Variants in HMGA2 observed in about 807,000 individuals in gnomAD.
The protein encoded by HMGA2 is high mobility group protein HMGI-C.
HMGA2 carries 8 observed loss-of-function variants against 19.1 expected under a neutral mutation model. The observed-to-expected ratio is 0.42, with a 90% CI of 0.25 to 0.76. The LOEUF is 0.76. Among genes scored for constraint, HMGA2 ranks in the 30% least tolerant of loss-of-function variants. The probability of loss-of-function intolerance (pLI) is 0.28; values close to 1 mark genes in which losing one functional copy is unlikely to be tolerated. For missense variants in HMGA2, 109 were observed against 136.3 expected (o/e 0.80, Z 1.00); for synonymous variants, 60 against 48.8 (o/e 1.23, Z -0.96).
chr12:65,957,942 G>A (rs1448076762), intron 4 of HMGA2: 1 of 152,178 alleles, frequency 6.6e-6, no homozygotes, highest in Non-Finnish European at 1.5e-5. Flanking sequence ...AATAATCACA[G>A]AATGAGTAAC....
At chr12:65,888,958 G>T (rs563455135) in intron 3 of HMGA2, among the ~76,000 whole-genome samples, 1 of 152,026 alleles carries the variant, frequency 6.6e-6, no homozygotes, top group Non-Finnish European at 1.5e-5. Context: ...CTAACTTCGA[G>T]CCTGCTCTTT....
chr12:65,901,707 A>C (rs1395504679), intron 3 of HMGA2, among the ~76,000 whole-genome samples: 1 of 152,218 alleles, frequency 6.6e-6, no homozygotes, highest in African/African-American at 2.4e-5. Flanking sequence ...GTATATATGC[A>C]CACATTGTTT....
intron 3 of HMGA2, among the ~76,000 whole-genome samples, chr12:65,862,276 T>TACAC (rs34442419): frequency 0.15 from 21,633 of 144,456 alleles, 2,754 homozygotes; most frequent in African/African-American, 0.35. Flanking sequence ...AAATGCACCA[T>TACAC]ACACACACAC....
intron 3 of HMGA2, among the ~76,000 whole-genome samples, chr12:65,900,500 A>G (rs911626069): frequency 4.6e-5 from 7 of 152,236 alleles, no homozygotes; most frequent in African/African-American, 1.4e-4. Context: ...GGTAGAAACC[A>G]GACAAGTGTC....
At chr12:65,943,904 T>C (rs531104385) in intron 3 of HMGA2, among the ~76,000 whole-genome samples, 1 of 152,318 alleles carries the variant, frequency 6.6e-6, no homozygotes, top group South Asian at 2.1e-4. Context: ...TAGCTACTCC[T>C]GGTAGATGGT....
At chr12:65,933,643 G>T (rs1875793264) in intron 3 of HMGA2, among the ~76,000 whole-genome samples, 1 of 152,080 alleles carries the variant, frequency 6.6e-6, no homozygotes, top group Non-Finnish European at 1.5e-5. Context: ...GCTATGCATA[G>T]GTAAGTCTGT....
chr12:65,845,990 C>T (rs959725847), intron 3 of HMGA2, among the ~76,000 whole-genome samples: 7 of 152,298 alleles, frequency 4.6e-5, no homozygotes, highest in Non-Finnish European at 8.8e-5. Context: ...AGCGCCTCCA[C>T]CAGATGGGGG....
chr12:65,936,424 C>T (rs917159701), intron 3 of HMGA2, among the ~76,000 whole-genome samples: 3 of 152,112 alleles, frequency 2.0e-5, no homozygotes, highest in Non-Finnish European at 4.4e-5. Flanking sequence ...ATAAAAAATC[C>T]TGTTCTGGTT....
intron 1 of HMGA2, among the ~76,000 whole-genome samples, chr12:65,827,707 T>C (rs1870276828): frequency 1.3e-5 from 2 of 152,248 alleles, no homozygotes; most frequent in South Asian, 4.1e-4. Context: ...ACCTTAAAAG[T>C]ATATGACTTT....
At chr12:65,880,318 CAAG>C (rs1017415242) in intron 3 of HMGA2, among the ~76,000 whole-genome samples, 1 of 152,118 alleles carries the variant, frequency 6.6e-6, no homozygotes, top group African/African-American at 2.4e-5. Flanking sequence ...TGTTTTTTCC[CAAG>C]AAGAGCAAGA....
At chr12:65,901,565 A>G (rs531671930) in intron 3 of HMGA2, among the ~76,000 whole-genome samples, 1 of 152,258 alleles carries the variant, frequency 6.6e-6, no homozygotes, top group African/African-American at 2.4e-5. Flanking sequence ...TGAATTTTGC[A>G]AGAAATAGCA....
rs145792152 is a variant in HMGA2, at chr12:65,924,535, C to T, written c.250-26848C>T. ...GAAGTTGGCCAGGCACAGTGGCTCACGCCTGTAATCCCAGCACTTTGGGAG... is the reference window on the plus strand; with the variant it reads ...GAAGTTGGCCAGGCACAGTGGCTCATGCCTGTAATCCCAGCACTTTGGGAG... On this transcript the variant is annotated intron_variant, in intron 3 of 4. Coordinates refer to ENST00000403681, the MANE Select transcript of HMGA2 (RefSeq NM_003483.6). 1.0e-3 allele frequency among the ~76,000 whole-genome samples: 153 copies of T among 152,106 alleles called. 1 individual carries two copies. Among genetic ancestry groups the T allele is most frequent in the Middle Eastern group, 3.4e-3 (1 of 294 alleles).
In HMGA2 at chr12:65,964,613, T is replaced by C; in HGVS notation, c.*1321T>C. 1 of 214,280 alleles carries C rather than the reference T, an allele frequency of 4.7e-6. No homozygotes were observed. Among genetic ancestry groups the C allele is most frequent in the East Asian group, 7.1e-5 (1 of 14,070 alleles). The allele number at this position is 214,280 out of a possible 1,614,324, so 13.3% of individuals were successfully genotyped here. A position where few individuals can be genotyped will look rare whatever the true frequency, so the allele number is the denominator to read the frequency against. On this transcript the variant is annotated 3_prime_UTR_variant, in exon 5 of 5. Coordinates refer to ENST00000403681, the MANE Select transcript of HMGA2 (RefSeq NM_003483.6). ...ATTACATGCTGCTATACACAAGCAA[T>C]GCAAGAAAAAAACTTACTGGGTAGG... is the stretch of plus-strand genomic sequence containing the variant.
intron 3 of HMGA2, among the ~76,000 whole-genome samples, chr12:65,862,296 C>CACAT (rs376863810): frequency 0.034 from 5,167 of 151,748 alleles, 253 homozygotes; most frequent in African/African-American, 0.11. Flanking sequence ...CACACACACA[C>CACAT]ACACACACAC....
chr12:65,911,761 G>A (rs531044113), intron 3 of HMGA2, among the ~76,000 whole-genome samples: 1 of 152,126 alleles, frequency 6.6e-6, no homozygotes, highest in East Asian at 1.9e-4. Context: ...TTCTCTAAGT[G>A]CCCCTTATGC....
At chr12:65,826,837 C>G (rs1419190398) in intron 1 of HMGA2, 1 of 149,392 alleles carries the variant, frequency 6.7e-6, no homozygotes, top group African/African-American at 2.5e-5. Context: ...TGATTGGATA[C>G]TTTACCTTTG....
chr12:65,837,035 C>T (rs1870761838), intron 2 of HMGA2, among the ~76,000 whole-genome samples: 1 of 152,124 alleles, frequency 6.6e-6, no homozygotes, highest in South Asian at 2.1e-4. Context: ...GACCTTGAGC[C>T]AGTTGTATAC....
At chr12:65,927,971 G>A (rs1875573959) in intron 3 of HMGA2, among the ~76,000 whole-genome samples, 1 of 148,018 alleles carries the variant, frequency 6.8e-6, no homozygotes, top group East Asian at 2.0e-4. Flanking sequence ...ATATATGTAT[G>A]TATGTATATA....
At chr12:65,889,470 A>G (rs1301901768) in intron 3 of HMGA2, among the ~76,000 whole-genome samples, 1 of 152,218 alleles carries the variant, frequency 6.6e-6, no homozygotes, top group Non-Finnish European at 1.5e-5. Context: ...ATATGTATAT[A>G]TACCCACAGA....
Sources: allele counts gnomAD v4.1 joint callset (sites outside exome capture counted in the v4.1 genomes callset), GRCh38; gene constraint gnomAD v4.1.1; transcripts MANE v1.5; gene names NCBI Gene and HGNC (gene_info 2026-07-23, HGNC 2026-07-21).